Variants in SPAG16 observed in about 807,000 individuals in gnomAD.
The protein encoded by SPAG16 is sperm associated antigen 16.
In SPAG16, 86 loss-of-function variants were observed where a neutral mutation model predicts 80.4. The ratio of observed to expected loss-of-function variants is 1.07; its 90% CI spans 0.90 to 1.28. The LOEUF (loss-of-function observed/expected upper bound fraction) is 1.28. Among genes scored for constraint, SPAG16 ranks in the 50% most tolerant of loss-of-function variants. The pLI is 0.00. For missense variants in SPAG16, 870 were observed against 765.3 expected (o/e 1.14, Z -1.61); for synonymous variants, 294 against 265.9 (o/e 1.11, Z -1.03).
chr2:214,207,021 A>G (rs2058164503), intron 15 of SPAG16, among the ~76,000 whole-genome samples: 1 of 152,220 alleles, frequency 6.6e-6, no homozygotes, highest in Non-Finnish European at 1.5e-5. Context: ...TGATCCTAAT[A>G]TAATAGAAAA....
intron 10 of SPAG16, among the ~76,000 whole-genome samples, chr2:213,830,000 C>T (rs932308793): frequency 6.6e-6 from 1 of 152,126 alleles, no homozygotes; most frequent in Non-Finnish European, 1.5e-5. Flanking sequence ...ACTCTCTTAG[C>T]CACCATGGCT....
intron 15 of SPAG16, among the ~76,000 whole-genome samples, chr2:214,331,099 TG>T (rs1200450214): frequency 6.6e-6 from 1 of 152,184 alleles, no homozygotes; most frequent in Non-Finnish European, 1.5e-5. Flanking sequence ...TCTGGTGAAG[TG>T]ACCCAAATCC....
chr2:214,394,428 T>C (rs1701249985), intron 15 of SPAG16, among the ~76,000 whole-genome samples: 1 of 151,940 alleles, frequency 6.6e-6, no homozygotes, highest in Non-Finnish European at 1.5e-5. Context: ...TGATTCTGAT[T>C]ATGTAATTGA....
At chr2:214,097,626 G>A (rs1487797649) in intron 13 of SPAG16, among the ~76,000 whole-genome samples, 15 of 151,888 alleles carry the variant, frequency 9.9e-5, no homozygotes, top group Non-Finnish European at 2.9e-5. Flanking sequence ...GTTAGGAAAG[G>A]ACAGCTGGTG....
intron 15 of SPAG16, among the ~76,000 whole-genome samples, chr2:214,165,156 A>C (rs1167763483): frequency 6.6e-6 from 1 of 152,012 alleles, no homozygotes; most frequent in African/African-American, 2.4e-5. Context: ...TAGTTTGAGA[A>C]TCTCTTTGAA....
At chr2:213,446,714 C>G (rs772171628) in intron 9 of SPAG16, among the ~76,000 whole-genome samples, 13 of 152,136 alleles carry the variant, frequency 8.5e-5, no homozygotes, top group Non-Finnish European at 1.6e-4. Context: ...GATGCTCCTG[C>G]GGAAATCTAT....
At chr2:213,929,930 C>A (rs762326075) in intron 11 of SPAG16, 30 bp from the exon 12 acceptor site, 28 of 1,588,746 alleles carry the variant, frequency 1.8e-5, no homozygotes, top group Non-Finnish European at 2.3e-5. Flanking sequence ...ACTTTTTAAA[C>A]AAGCTGTCTT....
At chr2:214,137,537 CTATT>C (rs755217661) in intron 14 of SPAG16, among the ~76,000 whole-genome samples, 9 of 151,992 alleles carry the variant, frequency 5.9e-5, no homozygotes, top group Non-Finnish European at 1.0e-4. Flanking sequence ...ATCTTATTGA[CTATT>C]TAATGTATCC....
intron 12 of SPAG16, among the ~76,000 whole-genome samples, chr2:213,975,811 C>G (rs962074770): frequency 2.0e-5 from 3 of 151,760 alleles, no homozygotes; most frequent in Admixed American, 6.6e-5. Flanking sequence ...CTATTTACTC[C>G]AAGAGTTAGC....
chr2:213,295,736 C>T lies in SPAG16; in HGVS notation c.137-328C>T, dbSNP rs974996714. On this transcript the variant is annotated intron_variant, in intron 1 of 15. Transcript: ENST00000331683. ...TTTTTTCTTACCTGTTTCTAATTCA[C>T]GCTACCTTATGATATTATGTATATT... Among the ~76,000 whole-genome samples, 17 of 151,972 alleles carry T rather than the reference C, an allele frequency of 1.1e-4. No individual in the cohort carries two copies. In the East Asian group the frequency reaches 1.7e-3, roughly 15 times the overall value.
At chr2:214,138,024 T>G (rs1429798168) in intron 14 of SPAG16, among the ~76,000 whole-genome samples, 6 of 152,086 alleles carry the variant, frequency 3.9e-5, no homozygotes, top group Non-Finnish European at 8.8e-5. Flanking sequence ...TCACTCCCAC[T>G]GCCTTTTTAT....
intron 9 of SPAG16, among the ~76,000 whole-genome samples, chr2:213,396,313 A>G (rs1442161434): frequency 6.6e-6 from 1 of 152,222 alleles, no homozygotes; most frequent in East Asian, 1.9e-4. Context: ...GAATCTTTCA[A>G]TGCGTGAATG....
intron 12 of SPAG16, among the ~76,000 whole-genome samples, chr2:213,950,516 G>A (rs2079699099): frequency 6.6e-6 from 1 of 151,980 alleles, no homozygotes; most frequent in African/African-American, 2.4e-5. Context: ...TGTTTAAAAG[G>A]TGTGTGGGGC....
intron 15 of SPAG16, among the ~76,000 whole-genome samples, chr2:214,229,518 ATG>A (rs781159810): frequency 3.8e-4 from 58 of 151,530 alleles, no homozygotes; most frequent in Non-Finnish European, 5.8e-4. Context: ...GTGTATATAT[ATG>A]TGTGTGTGTA....
chr2:213,541,655 G>C (rs1418113018), intron 10 of SPAG16, among the ~76,000 whole-genome samples: 2 of 152,008 alleles, frequency 1.3e-5, no homozygotes, highest in Non-Finnish European at 2.9e-5. Flanking sequence ...ATTGGAGGAG[G>C]TTTTGGCTAG....
chr2:214,323,109 C>T (rs1696217502), intron 15 of SPAG16, among the ~76,000 whole-genome samples: 1 of 152,120 alleles, frequency 6.6e-6, no homozygotes, highest in East Asian at 1.9e-4. Context: ...CTGAAAGGTA[C>T]CTATCCTGTT....
chr2:214,143,912 C>G (rs1435001384), intron 14 of SPAG16, among the ~76,000 whole-genome samples: 2 of 152,068 alleles, frequency 1.3e-5, no homozygotes, highest in Non-Finnish European at 2.9e-5. Flanking sequence ...AATCCCAGCA[C>G]TTCGGCAGGT....
chr2:214,161,476 CATTTTAATA>C (rs2056434698), intron 15 of SPAG16, among the ~76,000 whole-genome samples: 1 of 152,128 alleles, frequency 6.6e-6, no homozygotes, highest in South Asian at 2.1e-4. Context: ...TGTTTCTTGA[CATTTTAATA>C]ATTGCCATTC....
In SPAG16 at chr2:213,959,617, G is replaced by A. The variant is rs1575654618; in HGVS notation, c.1400+29472G>A. 2.0e-5 allele frequency among the ~76,000 whole-genome samples: 3 copies of A among 152,052 alleles called. No homozygotes were observed. In the South Asian group the frequency reaches 6.2e-4, roughly 32 times the overall value. ...GGAAACCCTAAGGAATAATACCATG[G>A]ACTTTACTGAAGGCATAATTACACA... On this transcript the variant is annotated intron_variant, in intron 12 of 15. Coordinates refer to ENST00000331683, the MANE Select transcript of SPAG16 (RefSeq NM_024532.5).
Sources: allele counts gnomAD v4.1 joint callset (sites outside exome capture counted in the v4.1 genomes callset), GRCh38; gene constraint gnomAD v4.1.1; transcripts MANE v1.5; gene names NCBI Gene and HGNC (gene_info 2026-07-23, HGNC 2026-07-21).